MYO10: variants seen among roughly 807,000 people sequenced by gnomAD.
The protein encoded by MYO10 is myosin X.
MYO10 carries 133 observed loss-of-function variants against 257.3 expected under a neutral mutation model. That is an observed-to-expected ratio of 0.52 (90% CI 0.45 to 0.60). The LOEUF is 0.60. Ranked by LOEUF, MYO10 falls within the 20% of genes least tolerant of loss-of-function variation. The pLI, the probability that MYO10 is intolerant of heterozygous loss-of-function variation, is 0.00. For missense variants in MYO10, 2,399 were observed against 2,635.7 expected, an observed-to-expected ratio of 0.91 and a Z score of 1.97; for synonymous variants, 1,104 against 1,028.6, an observed-to-expected ratio of 1.07 and a Z score of -1.40.
intron 19 of MYO10, among the ~76,000 whole-genome samples, chr5:16,754,166 T>C (rs1353748879): frequency 6.6e-6 from 1 of 152,188 alleles, no homozygotes; most frequent in African/African-American, 2.4e-5. Flanking sequence ...TTAACAATAC[T>C]TTAAGACAAG....
chr5:16,796,482 A>T (rs56149839), intron 3 of MYO10, among the ~76,000 whole-genome samples: 1 of 88,572 alleles, frequency 1.1e-5, no homozygotes, highest in Non-Finnish European at 2.8e-5. Context: ...AGAAAAGAAA[A>T]GAAAGAAAGA....
intron 1 of MYO10, among the ~76,000 whole-genome samples, chr5:16,919,664 C>T (rs1035259519): frequency 6.6e-6 from 1 of 152,178 alleles, no homozygotes; most frequent in Non-Finnish European, 1.5e-5. Context: ...TAAACCTTCA[C>T]AAGTTAAATA....
intron 19 of MYO10, among the ~76,000 whole-genome samples, chr5:16,733,277 A>C (rs1283243114): frequency 6.6e-6 from 1 of 152,240 alleles, no homozygotes; most frequent in Admixed American, 6.5e-5. Context: ...GAGTGCTGGA[A>C]GGGGCTTGAG....
In MYO10 at chr5:16,663,328, G is replaced by GTTTTTTTTTTTTTTTTTTTT. The variant is rs70940395; in HGVS notation, c.*3344_*3363dup. 1 of 76,888 alleles carries GTTTTTTTTTTTTTTTTTTTT rather than the reference G, an allele frequency of 1.3e-5. No homozygotes were observed. Among genetic ancestry groups the GTTTTTTTTTTTTTTTTTTTT allele is most frequent in the Non-Finnish European group, 2.3e-5 (1 of 43,474 alleles). 4.8% of individuals were successfully genotyped at this position (76,888 alleles called of 1,614,324 possible). A position where few individuals can be genotyped will look rare whatever the true frequency, so the allele number is the denominator to read the frequency against. ...AAAAAGTAACATTTTACTTCTAGTT[G>GTTTTTTTTTTTTTTTTTTTT]TTTTTTTTTTTTTTTTTTTTTTTTT... On this transcript the variant is annotated 3_prime_UTR_variant, in exon 41 of 41. Coordinates refer to ENST00000513610, the MANE Select transcript of MYO10 (RefSeq NM_012334.3).
intron 36 of MYO10, 97 bp downstream of exon 36, chr5:16,673,585 T>C: frequency 7.4e-7 from 1 of 1,348,726 alleles, no homozygotes; most frequent in Non-Finnish European, 1.0e-6. Context: ...ACTGCAACTG[T>C]GCAGGACAGC....
In MYO10 at chr5:16,918,932, A is replaced by G. The variant is rs138021750; in HGVS notation, c.21+16856T>C. On this transcript the variant is annotated intron_variant, in intron 1 of 40. Coordinates refer to ENST00000513610, the MANE Select transcript of MYO10 (RefSeq NM_012334.3). Reference sequence around the variant, plus strand: ...TCTATGTTTCTGCTTTTGCTTGGCTATAGGAAAATTTCTATTCCTTGTTCC... The same window carrying G: ...TCTATGTTTCTGCTTTTGCTTGGCTGTAGGAAAATTTCTATTCCTTGTTCC... Among the ~76,000 whole-genome samples, 170 of 152,352 alleles carry G rather than the reference A, an allele frequency of 1.1e-3. 1 individual carries two copies. The highest frequency in any genetic ancestry group is 4.0e-3 in the African/African-American group (165 of 41,586).
At chr5:16,892,033 G>T (rs1454542220) in intron 1 of MYO10, among the ~76,000 whole-genome samples, 3 of 152,152 alleles carry the variant, frequency 2.0e-5, no homozygotes, top group Non-Finnish European at 2.9e-5. Flanking sequence ...AGGCAGAAAT[G>T]GATTTTACTT....
At chr5:16,724,338 T>A (rs950123288) in intron 19 of MYO10, among the ~76,000 whole-genome samples, 7 of 152,118 alleles carry the variant, frequency 4.6e-5, no homozygotes, top group Non-Finnish European at 8.8e-5. Context: ...GAATGGCAGA[T>A]GATGGGAGCC....
chr5:16,750,073 C>T (rs1257414703), intron 19 of MYO10, among the ~76,000 whole-genome samples: 3 of 152,152 alleles, frequency 2.0e-5, no homozygotes, highest in Non-Finnish European at 4.4e-5. Context: ...AGCTAGAAGT[C>T]CTCATTACCA....
chr5:16,715,442 A>G (rs967354374), intron 19 of MYO10, among the ~76,000 whole-genome samples: 20 of 103,704 alleles, frequency 1.9e-4, no homozygotes, highest in Non-Finnish European at 1.1e-4. Flanking sequence ...CTGGGATTAC[A>G]GGCATTTGTC....
chr5:16,811,231 C>T (rs546518077), intron 3 of MYO10, among the ~76,000 whole-genome samples: 3 of 152,298 alleles, frequency 2.0e-5, no homozygotes, highest in South Asian at 4.1e-4. Context: ...CCAGGCACTC[C>T]GGGATGTTTC....
chr5:16,744,676 G>T (rs555721200), intron 19 of MYO10, among the ~76,000 whole-genome samples: 27 of 152,154 alleles, frequency 1.8e-4, no homozygotes, highest in African/African-American at 6.0e-4. Flanking sequence ...GGGAACAGGT[G>T]GGGTAGTGGT....
At chr5:16,667,850 A>G (rs1244610893) in intron 40 of MYO10, among the ~76,000 whole-genome samples, 1 of 152,146 alleles carries the variant, frequency 6.6e-6, no homozygotes, top group African/African-American at 2.4e-5. Context: ...ATCCAGAATG[A>G]GCTGCACCCA....
intron 1 of MYO10, among the ~76,000 whole-genome samples, chr5:16,924,770 T>C (rs1746084072): frequency 7.2e-6 from 1 of 138,026 alleles, no homozygotes; most frequent in Non-Finnish European, 1.6e-5. Context: ...GGGTGGAAAG[T>C]GATATTAACT....
chr5:16,766,653 A>G lies in MYO10; in HGVS notation c.1061-455T>C, dbSNP rs1173119787. 3.9e-5 allele frequency among the ~76,000 whole-genome samples: 6 copies of G among 151,924 alleles called. No individual in the cohort carries two copies. The East Asian group carries it at 1.2e-3, about 29-fold the overall frequency. ...CATCATGTTGGCCAGGATGGTCTCA[A>G]TCTGTTGACCTCCACGTTGGCCAGG... is the stretch of plus-strand genomic sequence containing the variant. On this transcript the variant is annotated intron_variant, in intron 10 of 40. Transcript: ENST00000513610.
chr5:16,694,745 C>T (rs1737660735), intron 26 of MYO10, 131 bp from the exon 27 acceptor site: 2 of 1,209,180 alleles, frequency 1.7e-6, no homozygotes, highest in Admixed American at 2.0e-5. Flanking sequence ...CCGCAGAGAC[C>T]CCTCAGTGAG....
intron 3 of MYO10, among the ~76,000 whole-genome samples, chr5:16,813,906 CAGG>C (rs1219707882): frequency 6.6e-6 from 1 of 152,196 alleles, no homozygotes; most frequent in East Asian, 1.9e-4. Flanking sequence ...AGCCACAGAT[CAGG>C]AGACCAGGGA....
rs750091573 is a variant in MYO10 at position 16,670,700 on chromosome 5, G to A, written c.5709C>T (p.Val1903=). 5.4e-5 allele frequency: 87 copies of A among 1,613,842 alleles called. No individual in the cohort carries two copies. Among genetic ancestry groups the A allele is most frequent in the Non-Finnish European group, 6.7e-5 (79 of 1,179,896 alleles). ...ACATGTCCAGCATCTGCTCCTCCTCGACCTTCTGCCGGACCACGGATCCTG... is the reference window on the plus strand; with the variant it reads ...ACATGTCCAGCATCTGCTCCTCCTCAACCTTCTGCCGGACCACGGATCCTG... ...FRTGSVVRQK[V]EEEQMLDMWI... Residue 1903 remains valine (V), a synonymous_variant, in exon 39 of 41, where the codon GTC becomes GTT. Transcript: ENST00000513610.
intron 1 of MYO10, among the ~76,000 whole-genome samples, chr5:16,901,781 C>T (rs1315966075): frequency 6.6e-6 from 1 of 152,174 alleles, no homozygotes; most frequent in Non-Finnish European, 1.5e-5. Flanking sequence ...CAGTGCAGAG[C>T]GGCCTGTCGT....
Sources: allele counts gnomAD v4.1 joint callset (sites outside exome capture counted in the v4.1 genomes callset), GRCh38; gene constraint gnomAD v4.1.1; transcripts MANE v1.5; gene names NCBI Gene and HGNC (gene_info 2026-07-23, HGNC 2026-07-21).